Variants in PLPPR1 observed in about 807,000 individuals in gnomAD.
PLPPR1 encodes phospholipid phosphatase related 1.
Under a neutral mutation model 33.1 loss-of-function variants are expected in PLPPR1, and 10 were observed. The observed-to-expected ratio is 0.30, with a 90% CI of 0.19 to 0.51. The LOEUF (loss-of-function observed/expected upper bound fraction) is 0.51. Ranked by LOEUF, PLPPR1 falls within the 20% of genes least tolerant of loss-of-function variation. The probability of loss-of-function intolerance (pLI) is 0.97; values close to 1 mark genes in which losing one functional copy is unlikely to be tolerated. For missense variants in PLPPR1, 304 were observed against 408.1 expected (o/e 0.74, Z 2.20); for synonymous variants, 151 against 151.0 (o/e 1.00, Z 0.00).
rs542373851 is a variant in PLPPR1 at position 101,197,252 on chromosome 9, G to A, written c.63+11695G>A. Among the ~76,000 whole-genome samples the A allele has an allele frequency of 4.6e-5, 7 of 152,200 alleles. No homozygotes were observed. The South Asian group carries it at 1.0e-3, about 23-fold the overall frequency. On this transcript the variant is annotated intron_variant, in intron 2 of 7. Coordinates refer to ENST00000374874, the MANE Select transcript of PLPPR1 (RefSeq NM_207299.2). ...GTTGCCTCACCCTGCCATTGCTAGCGTTACTCACAGGAAGTATGCTAATAT... is the reference window on the plus strand; with the variant it reads ...GTTGCCTCACCCTGCCATTGCTAGCATTACTCACAGGAAGTATGCTAATAT...
intron 1 of PLPPR1, among the ~76,000 whole-genome samples, chr9:101,172,247 G>C (rs967208967): frequency 6.6e-6 from 1 of 151,864 alleles, no homozygotes. Context: ...GGGAAAAAGC[G>C]TACCACTCAG....
At chr9:101,264,802 T>C (rs1406820484) in intron 2 of PLPPR1, among the ~76,000 whole-genome samples, 1 of 152,166 alleles carries the variant, frequency 6.6e-6, no homozygotes, top group African/African-American at 2.4e-5. Context: ...CCATCCTAGT[T>C]TTAGCCCTGA....
At chr9:101,305,181 G>A (rs901987240) in intron 4 of PLPPR1, among the ~76,000 whole-genome samples, 3 of 151,992 alleles carry the variant, frequency 2.0e-5, no homozygotes, top group African/African-American at 4.8e-5. Flanking sequence ...CTGAGGAGAA[G>A]CTTGAGTTTT....
chr9:101,032,188 A>C (rs1372534449), intron 1 of PLPPR1, among the ~76,000 whole-genome samples: 1 of 152,156 alleles, frequency 6.6e-6, no homozygotes, highest in African/African-American at 2.4e-5. Flanking sequence ...TCAAGTGTGA[A>C]TGGAACTATC....
intron 1 of PLPPR1, among the ~76,000 whole-genome samples, chr9:101,055,345 A>G (rs1010645442): frequency 4.6e-5 from 7 of 152,238 alleles, no homozygotes; most frequent in African/African-American, 1.7e-4. Context: ...ATAATAGGCT[A>G]TGAAATGTAT....
intron 1 of PLPPR1, among the ~76,000 whole-genome samples, chr9:101,158,020 G>A (rs78400497): frequency 0.027 from 4,037 of 151,704 alleles, 167 homozygotes; most frequent in African/African-American, 0.087. Flanking sequence ...TAAAATAAGT[G>A]AATAAAAAAT....
chr9:101,040,607 A>G (rs916609717), intron 1 of PLPPR1, among the ~76,000 whole-genome samples: 1 of 152,122 alleles, frequency 6.6e-6, no homozygotes, highest in Non-Finnish European at 1.5e-5. Flanking sequence ...AAAAACTTGA[A>G]TGTCTCCCTT....
In PLPPR1 at chr9:101,232,122, C is replaced by CAGTT. The variant is rs1006559871; in HGVS notation, c.64-37754_64-37751dup. Among the ~76,000 whole-genome samples the CAGTT allele has an allele frequency of 8.8e-4, 134 of 152,158 alleles. 1 individual carries two copies. Among genetic ancestry groups the CAGTT allele is most frequent in the African/African-American group, 3.1e-3 (130 of 41,556 alleles). ...AGTGAATGAACAAAATATTTGAGTACAGTTAGTGACAGGAAGTTGAACTGA... is the reference window on the plus strand; with the variant it reads ...AGTGAATGAACAAAATATTTGAGTACAGTTAGTTAGTGACAGGAAGTTGAACTGA... On this transcript the variant is annotated intron_variant, in intron 2 of 7. Coordinates refer to ENST00000374874, the MANE Select transcript of PLPPR1 (RefSeq NM_207299.2).
chr9:101,154,567 A>G (rs1286475056), intron 1 of PLPPR1, among the ~76,000 whole-genome samples: 1 of 152,102 alleles, frequency 6.6e-6, no homozygotes, highest in East Asian at 1.9e-4. Context: ...CCCCTCAAGT[A>G]TCTAGAACTA....
intron 2 of PLPPR1, among the ~76,000 whole-genome samples, chr9:101,257,771 C>T (rs1187202474): frequency 6.6e-6 from 1 of 152,100 alleles, no homozygotes; most frequent in African/African-American, 2.4e-5. Context: ...AACTTAATCC[C>T]ACCATAGCCC....
intron 4 of PLPPR1, among the ~76,000 whole-genome samples, chr9:101,302,598 A>G (rs535609230): frequency 2.6e-5 from 4 of 152,350 alleles, no homozygotes; most frequent in Admixed American, 2.0e-4. Flanking sequence ...TCCATTTCCA[A>G]TGGAAGTTGG....
At chr9:101,231,271 G>A (rs1041048309) in intron 2 of PLPPR1, among the ~76,000 whole-genome samples, 2 of 112,200 alleles carry the variant, frequency 1.8e-5, no homozygotes, top group Non-Finnish European at 3.4e-5. Flanking sequence ...AGAAAATGGT[G>A]CCCCAATTAA....
chr9:101,269,835 C>G, intron 2 of PLPPR1, 45 bp from the exon 3 acceptor site: 1 of 1,588,530 alleles, frequency 6.3e-7, no homozygotes, highest in Non-Finnish European at 8.6e-7. Context: ...AAGGGCTGCT[C>G]CGAAGCCCTG....
chr9:101,203,841 TTC>T (rs1438552336), intron 2 of PLPPR1, among the ~76,000 whole-genome samples: 2 of 149,504 alleles, frequency 1.3e-5, no homozygotes, highest in South Asian at 2.1e-4. Flanking sequence ...CAAATTTTTT[TTC>T]TCTTTTTTCC....
intron 2 of PLPPR1, among the ~76,000 whole-genome samples, chr9:101,202,556 C>A (rs1201877341): frequency 6.6e-6 from 1 of 152,116 alleles, no homozygotes; most frequent in African/African-American, 2.4e-5. Flanking sequence ...CCTCCAGAAG[C>A]CAACCGTAAA....
intron 1 of PLPPR1, among the ~76,000 whole-genome samples, chr9:101,180,752 G>A (rs932485086): frequency 3.3e-5 from 5 of 151,858 alleles, no homozygotes; most frequent in East Asian, 1.9e-4. Context: ...AGTGGATTAC[G>A]TACTTAAACA....
intron 1 of PLPPR1, among the ~76,000 whole-genome samples, chr9:101,075,409 CCA>C (rs1401360901): frequency 2.6e-5 from 4 of 152,188 alleles, no homozygotes; most frequent in African/African-American, 9.6e-5. Flanking sequence ...AATGAACATT[CCA>C]CCAGCTTTGT....
intron 1 of PLPPR1, among the ~76,000 whole-genome samples, chr9:101,157,848 T>A (rs1390833753): frequency 6.6e-6 from 1 of 151,496 alleles, no homozygotes; most frequent in African/African-American, 2.4e-5. Context: ...TAAAAAAAAA[T>A]TAAAAATTAG....
intron 1 of PLPPR1, among the ~76,000 whole-genome samples, chr9:101,143,142 A>G (rs1306666530): frequency 6.6e-6 from 1 of 152,070 alleles, no homozygotes; most frequent in Non-Finnish European, 1.5e-5. Flanking sequence ...ACTCCATATT[A>G]ATGCCAGCAT....
Sources: gnomAD v4.1 joint callset for allele counts (sites outside exome capture counted in the v4.1 genomes callset) on GRCh38, gnomAD v4.1.1 for gene constraint, MANE v1.5 for transcripts, NCBI Gene and HGNC (gene_info 2026-07-23, HGNC 2026-07-21) for gene names.